Variants in KIAA1217 observed in about 807,000 individuals in gnomAD.
KIAA1217 encodes the protein KIAA1217, also known as sickle tail protein homolog.
In KIAA1217, 88 loss-of-function variants were observed where a neutral mutation model predicts 163.9. The ratio of observed to expected loss-of-function variants is 0.54; its 90% CI spans 0.45 to 0.64. The LOEUF (loss-of-function observed/expected upper bound fraction) is 0.64. Among genes scored for constraint, KIAA1217 ranks in the 30% least tolerant of loss-of-function variants. The pLI is 0.00. For synonymous variants in KIAA1217, 903 were observed against 923.1 expected (o/e 0.98, Z 0.39); for missense variants, 2,372 against 2,475.0 (o/e 0.96, Z 0.88).
intron 2 of KIAA1217, among the ~76,000 whole-genome samples, chr10:24,039,166 A>G (rs1327854800): frequency 2.0e-5 from 3 of 152,090 alleles, no homozygotes; most frequent in South Asian, 2.1e-4. Flanking sequence ...AGCTGATTCT[A>G]TAGTCTCTCA....
intron 17 of KIAA1217, among the ~76,000 whole-genome samples, chr10:24,541,741 C>T (rs1564901326): frequency 1.3e-5 from 2 of 152,198 alleles, no homozygotes; most frequent in African/African-American, 4.8e-5. Flanking sequence ...GGGTCCTCAC[C>T]ACTGGATCCT....
intron 1 of KIAA1217, among the ~76,000 whole-genome samples, chr10:23,919,395 C>CA (rs1298968003): frequency 2.0e-5 from 3 of 151,992 alleles, no homozygotes; most frequent in Non-Finnish European, 4.4e-5. Context: ...CACCTGAGGT[C>CA]AGGAGTTCAA....
At chr10:24,161,128 G>A (rs923332176) in intron 2 of KIAA1217, among the ~76,000 whole-genome samples, 1 of 152,168 alleles carries the variant, frequency 6.6e-6, no homozygotes, top group African/African-American at 2.4e-5. Context: ...ATACTCAGGA[G>A]AAGTCTTGTG....
chr10:23,920,268 T>G (rs7893598), intron 1 of KIAA1217, among the ~76,000 whole-genome samples: 21,288 of 152,188 alleles, frequency 0.14, 3,357 homozygotes, highest in African/African-American at 0.39. Context: ...GTTTCATTTG[T>G]GACCATGGAG....
At position 24,520,115 on chromosome 10, in the gene KIAA1217, TC is replaced by T; in HGVS notation, c.2178-5del. ...CAGCTCTATGTGCTGGTGTCCTTGCTCCCGCAGCGAGTTGGAAGACTTTGTT... is the reference window on the plus strand; with the variant it reads ...CAGCTCTATGTGCTGGTGTCCTTGCTCCGCAGCGAGTTGGAAGACTTTGTT... On this transcript the variant is annotated splice_polypyrimidine_tract_variant and splice_region_variant and intron_variant, in intron 10 of 20. Transcript: ENST00000376454. The T allele has an allele frequency of 6.2e-7, 1 of 1,613,460 alleles. No homozygotes were observed. Among genetic ancestry groups the T allele is most frequent in the Non-Finnish European group, 8.5e-7 (1 of 1,179,578 alleles).
intron 1 of KIAA1217, among the ~76,000 whole-genome samples, chr10:23,970,672 G>A (rs1845277060): frequency 6.6e-6 from 1 of 152,198 alleles, no homozygotes; most frequent in African/African-American, 2.4e-5. Context: ...TGATAACTAT[G>A]TGAAATGAAG....
intron 2 of KIAA1217, among the ~76,000 whole-genome samples, chr10:24,251,541 A>G (rs1284909309): frequency 1.3e-5 from 2 of 152,162 alleles, no homozygotes; most frequent in Non-Finnish European, 2.9e-5. Context: ...TGATTTTAAA[A>G]AATCAGATGA....
Position 23,695,173 on chromosome 10 carries a change from C to T in KIAA1217, c.-382C>T, listed in dbSNP as rs1835943038. 1 of 152,564 alleles carries T rather than the reference C, an allele frequency of 6.6e-6. No homozygotes were observed. The highest frequency in any genetic ancestry group is 2.1e-4 in the South Asian group (1 of 4,842). The allele number at this position is 152,564 out of a possible 1,614,324, so 9.5% of individuals were successfully genotyped here. ...ATGAGAGCGAGGTGGCTCCAGGTCT[C>T]CGCGGAGCAGCTGCCAGTGGGAGAG... On this transcript the variant is annotated 5_prime_UTR_variant, in exon 1 of 19. Transcript: ENST00000376462. This position sits in a 1 kb window ranked among gnomAD's most constrained non-coding sequence, Gnocchi z 4.9.
intron 1 of KIAA1217, among the ~76,000 whole-genome samples, chr10:23,936,227 G>A (rs766911125): frequency 5.9e-5 from 9 of 152,078 alleles, no homozygotes; most frequent in Admixed American, 2.6e-4. Context: ...AGAAGCCAGA[G>A]GTCATGGGGA....
intron 2 of KIAA1217, among the ~76,000 whole-genome samples, chr10:24,281,646 C>G (rs1564398799): frequency 6.6e-6 from 1 of 152,136 alleles, no homozygotes; most frequent in East Asian, 1.9e-4. Context: ...TTTGTAGAAT[C>G]TCCTTCAATT....
intron 1 of KIAA1217, among the ~76,000 whole-genome samples, chr10:23,759,156 G>A (rs544691426): frequency 1.3e-5 from 2 of 152,050 alleles, no homozygotes; most frequent in East Asian, 3.9e-4. Flanking sequence ...TAATTCCTAA[G>A]TATTTTATTC....
intron 2 of KIAA1217, among the ~76,000 whole-genome samples, chr10:24,035,293 A>G (rs1023566555): frequency 6.6e-6 from 1 of 152,172 alleles, no homozygotes; most frequent in East Asian, 1.9e-4. Context: ...AATAAATGCT[A>G]GCAATTGTTC....
At chr10:24,355,258 A>G in intron 2 of KIAA1217, among the ~76,000 whole-genome samples, 1 of 152,186 alleles carries the variant, frequency 6.6e-6, no homozygotes, top group Non-Finnish European at 1.5e-5. Context: ...GCAGATGCTA[A>G]CATCTGTCAC....
At chr10:24,520,637 A>AAAAAAAAAAG (rs1368260962) in intron 11 of KIAA1217, among the ~76,000 whole-genome samples, 1 of 44,022 alleles carries the variant, frequency 2.3e-5, no homozygotes, top group African/African-American at 1.3e-4. Flanking sequence ...CAAAAAAAAA[A>AAAAAAAAAAG]AAAAAAAAAA....
chr10:24,311,433 G>A (rs1046029392), intron 2 of KIAA1217, among the ~76,000 whole-genome samples: 1 of 152,218 alleles, frequency 6.6e-6, no homozygotes, highest in Non-Finnish European at 1.5e-5. Flanking sequence ...TTGGTTGAAG[G>A]AATCAGCGAT....
At chr10:24,238,613 A>G (rs1482215528) in intron 2 of KIAA1217, among the ~76,000 whole-genome samples, 2 of 152,186 alleles carry the variant, frequency 1.3e-5, no homozygotes, top group Non-Finnish European at 1.5e-5. Context: ...GGAAATGCAC[A>G]CACACACACA....
At chr10:23,723,148 T>C (rs1489620352) in intron 1 of KIAA1217, among the ~76,000 whole-genome samples, 1 of 152,188 alleles carries the variant, frequency 6.6e-6, no homozygotes. Context: ...GAGAAGCTCA[T>C]GGCCGTGACC....
chr10:24,091,169 A>G (rs1395931100), intron 2 of KIAA1217, among the ~76,000 whole-genome samples: 1 of 151,888 alleles, frequency 6.6e-6, no homozygotes, highest in African/African-American at 2.4e-5. Context: ...TGTTATTATC[A>G]GTCCTGCCTC....
At position 24,329,224 on chromosome 10, in the gene KIAA1217, G is replaced by A. The variant is rs1465867908; in HGVS notation, c.355-51645G>A. Among the ~76,000 whole-genome samples the A allele has an allele frequency of 2.7e-5, 4 of 146,944 alleles. No homozygotes were observed. In the East Asian group the frequency reaches 7.9e-4, roughly 29 times the overall value. ...AAATAGTGTACCTAGTATATAAATA[G>A]TATAAATATATGCTATTTATATACA... On this transcript the variant is annotated intron_variant, in intron 2 of 20. Transcript: ENST00000376454.
Sources: gnomAD v4.1 joint callset for allele counts (sites outside exome capture counted in the v4.1 genomes callset) on GRCh38, gnomAD v4.1.1 for gene constraint, Gnocchi (gnomAD v3.1) non-coding constraint, MANE v1.5 for transcripts, NCBI Gene and HGNC (gene_info 2026-07-23, HGNC 2026-07-21) for gene names.